Variants in WWP1 observed in about 807,000 individuals in gnomAD.
The protein encoded by WWP1 is NEDD4-like E3 ubiquitin-protein ligase WWP1.
A neutral mutation model predicts 130.6 loss-of-function variants in WWP1; 49 were observed. The observed-to-expected ratio is 0.38, with a 90% confidence interval of 0.30 to 0.48. The LOEUF is 0.48. Ranked by LOEUF, WWP1 falls within the 20% of genes least tolerant of loss-of-function variation. WWP1 has a pLI of 0.99. For missense variants in WWP1, 809 were observed against 1,100.6 expected (o/e 0.74, Z 3.75); for synonymous variants, 332 against 367.8 (o/e 0.90, Z 1.11).
intron 9 of WWP1, among the ~76,000 whole-genome samples, chr8:86,423,243 AATTG>A (rs1317744449): frequency 6.6e-6 from 1 of 151,678 alleles, no homozygotes; most frequent in Non-Finnish European, 1.5e-5. Context: ...TTATTTTTTT[AATTG>A]ATCATTCTTG....
At chr8:86,351,763 T>C (rs1470393647) in intron 1 of WWP1, among the ~76,000 whole-genome samples, 1 of 152,154 alleles carries the variant, frequency 6.6e-6, no homozygotes, top group East Asian at 1.9e-4. Context: ...ACACCATCAT[T>C]AGATGAAATA....
At chr8:86,452,075 A>G (rs921813907) in intron 20 of WWP1, among the ~76,000 whole-genome samples, 41 of 152,142 alleles carry the variant, frequency 2.7e-4, no homozygotes, top group Non-Finnish European at 5.1e-4. Context: ...TGGTCATTAC[A>G]TACTGAGACA....
rs184284353 is a variant in WWP1, at chr8:86,408,616, T to A, written c.725-2922T>A. On this transcript the variant is annotated intron_variant, in intron 8 of 24. Coordinates refer to ENST00000517970, the MANE Select transcript of WWP1 (RefSeq NM_007013.4). ...ATTCATTCTTTTTAGTAATGTTTTT[T>A]AAAGTGTTTTCTTCACGCTGGTTGT... is the stretch of plus-strand genomic sequence containing the variant. Among the ~76,000 whole-genome samples, 201 of 152,358 alleles carry A rather than the reference T, an allele frequency of 1.3e-3. 2 individuals are homozygous for A. Among genetic ancestry groups the A allele is most frequent in the African/African-American group, 4.6e-3 (193 of 41,582 alleles).
intron 21 of WWP1, among the ~76,000 whole-genome samples, chr8:86,453,956 G>A (rs1395851034): frequency 6.6e-6 from 1 of 152,034 alleles, no homozygotes; most frequent in Non-Finnish European, 1.5e-5. Context: ...AAGAAACTTG[G>A]TTCTTTCATG....
chr8:86,423,649 G>A (rs1179068330), intron 9 of WWP1, among the ~76,000 whole-genome samples: 1 of 152,156 alleles, frequency 6.6e-6, no homozygotes, highest in African/African-American at 2.4e-5. Context: ...GCAACAATCT[G>A]ATTTCTCTAT....
chr8:86,427,668 A>G lies in WWP1; in HGVS notation c.1183A>G (p.Arg395Gly). The G allele has an allele frequency of 6.2e-7, 1 of 1,612,778 alleles. No homozygotes were observed. Among genetic ancestry groups the G allele is most frequent in the Non-Finnish European group, 8.5e-7 (1 of 1,179,284 alleles). ...PGWERRVDDR[R>G]RVYYVDHNTR... Reference sequence around the variant, plus strand: ...TTGGGAAAGAAGAGTTGATGATCGTAGAAGAGTTTATTATGTGGATCATAA... The same window carrying G: ...TTGGGAAAGAAGAGTTGATGATCGTGGAAGAGTTTATTATGTGGATCATAA... The change falls in exon 11 of 25, where the codon AGA becomes GGA. Residue 395 changes from arginine to glycine, a missense_variant. Arg to Gly is a moderately radical substitution (Grantham distance 125). This residue lies in a region of WWP1 where 450 missense variants were observed against 674.2 expected (regional missense o/e 0.67). Transcript: ENST00000517970.
chr8:86,443,153 A>G (rs1370666200), intron 18 of WWP1, among the ~76,000 whole-genome samples: 4 of 151,866 alleles, frequency 2.6e-5, no homozygotes, highest in African/African-American at 7.3e-5. Flanking sequence ...GCTAACTGCA[A>G]CCTCCACCTT....
At chr8:86,407,732 A>G (rs1808358010) in intron 8 of WWP1, among the ~76,000 whole-genome samples, 1 of 152,166 alleles carries the variant, frequency 6.6e-6, no homozygotes, top group Admixed American at 6.5e-5. Context: ...TTTTTAAATT[A>G]ATAGACTTTA....
At chr8:86,379,159 G>A (rs1563480097) in intron 3 of WWP1, among the ~76,000 whole-genome samples, 1 of 152,102 alleles carries the variant, frequency 6.6e-6, no homozygotes, top group African/African-American at 2.4e-5. Flanking sequence ...AAAGAATCTT[G>A]GGAAGTTTCT....
rs1055365592 is a variant in WWP1 at position 86,430,825 on chromosome 8, A to ATG, written c.1387+75_1387+76insGT. 12 of 491,608 alleles carry ATG rather than the reference A, an allele frequency of 2.4e-5. No homozygotes were observed. The African/African-American group carries it at 3.6e-4, about 15-fold the overall frequency. 30.5% of individuals were successfully genotyped at this position (491,608 alleles called of 1,614,324 possible). ...TATATATATATATATATATATATATATATATATGTTCCTTATTTTATATAT... is the reference window on the plus strand; with the variant it reads ...TATATATATATATATATATATATATATGTATATATGTTCCTTATTTTATATAT... On this transcript the variant is annotated intron_variant, in intron 12 of 24. Coordinates refer to ENST00000517970, the MANE Select transcript of WWP1 (RefSeq NM_007013.4).
intron 5 of WWP1, among the ~76,000 whole-genome samples, chr8:86,389,762 G>A (rs1245815242): frequency 1.4e-5 from 2 of 139,036 alleles, no homozygotes; most frequent in East Asian, 2.7e-4. Flanking sequence ...CCCACCTCCC[G>A]GATGGGGCGG....
At position 86,431,741 on chromosome 8, in the gene WWP1, T is replaced by G. The variant is rs1444981065; in HGVS notation, c.1599T>G (p.Ser533=). 2 of 1,613,682 alleles carry G rather than the reference T, an allele frequency of 1.2e-6. No individual in the cohort carries two copies. The highest frequency in any genetic ancestry group is 8.5e-7 in the Non-Finnish European group (1 of 1,179,828). ...AAGATCCTCGCAATGGGAAGTCATC[T>G]GTGTGAGTGAAAACCTGAAGTTCTC... The part of the protein sequence containing the change: ...TFKDPRNGKS[S]VTKGGPQIAY... Residue 533 remains serine (S), a splice_region_variant and synonymous_variant, in exon 14 of 25, where the codon TCT becomes TCG. Coordinates refer to ENST00000517970, the MANE Select transcript of WWP1 (RefSeq NM_007013.4).
intron 21 of WWP1, among the ~76,000 whole-genome samples, chr8:86,453,066 T>C (rs1236623308): frequency 6.6e-6 from 1 of 152,182 alleles, no homozygotes; most frequent in East Asian, 1.9e-4. Flanking sequence ...TGTGATAAAA[T>C]ATATCTTAAA....
chr8:86,369,942 A>G (rs7015772), intron 2 of WWP1, among the ~76,000 whole-genome samples: 21,977 of 152,046 alleles, frequency 0.14, 1,770 homozygotes, highest in Non-Finnish European at 0.19. Context: ...TGTACCAGAT[A>G]ATATGTAACA....
At chr8:86,418,244 T>C (rs553863587) in intron 9 of WWP1, among the ~76,000 whole-genome samples, 166 of 152,264 alleles carry the variant, frequency 1.1e-3, no homozygotes, top group African/African-American at 3.9e-3. Flanking sequence ...TATACTGATT[T>C]GCAAAACAGT....
rs149912284 is a variant in WWP1 at position 86,432,304 on chromosome 8, G to A, written c.1601+561G>A. 9.9e-3 allele frequency among the ~76,000 whole-genome samples: 1,504 copies of A among 152,126 alleles called. 28 individuals are homozygous for A. The highest frequency in any genetic ancestry group is 0.035 in the African/African-American group (1,434 of 41,500). Reference sequence around the variant, plus strand: ...AAGAAAATAGAAGCAATCCTAAAAGGTCTTTTGCAAAGTTGTACCACCATA... The same window carrying A: ...AAGAAAATAGAAGCAATCCTAAAAGATCTTTTGCAAAGTTGTACCACCATA... On this transcript the variant is annotated intron_variant, in intron 14 of 24. Coordinates refer to ENST00000517970, the MANE Select transcript of WWP1 (RefSeq NM_007013.4).
intron 9 of WWP1, among the ~76,000 whole-genome samples, chr8:86,412,748 C>CCA (rs1808659987): frequency 6.7e-6 from 1 of 149,604 alleles, no homozygotes; most frequent in Non-Finnish European, 1.5e-5. Context: ...TTTACTGGCT[C>CCA]GTCTGATGTT....
At chr8:86,406,246 T>C (rs1247458047) in intron 8 of WWP1, among the ~76,000 whole-genome samples, 11 of 152,230 alleles carry the variant, frequency 7.2e-5, no homozygotes, top group Non-Finnish European at 1.3e-4. Context: ...AGGACAGTTT[T>C]GGAGGTTAAA....
rs753489450 is a variant in WWP1 at position 86,374,122 on chromosome 8, T to C, written c.70+2T>C. 6.2e-7 allele frequency: 1 copy of C among 1,602,480 alleles called. No homozygotes were observed. Among genetic ancestry groups the C allele is most frequent in the Non-Finnish European group, 8.5e-7 (1 of 1,174,540 alleles). On this transcript the variant is annotated splice_donor_variant, in intron 3 of 24. Coordinates refer to ENST00000517970, the MANE Select transcript of WWP1 (RefSeq NM_007013.4). LOFTEE classifies it high-confidence loss of function. Reference sequence around the variant, plus strand: ...GAAGGTTGCAGTTACAGGTAACTGGTAAGTTATTTTTATATTTAATATGGT... The same window carrying C: ...GAAGGTTGCAGTTACAGGTAACTGGCAAGTTATTTTTATATTTAATATGGT...
Sources: gnomAD v4.1 joint callset for allele counts (sites outside exome capture counted in the v4.1 genomes callset) on GRCh38, gnomAD v4.1.1 for gene constraint, gnomAD v4.1.1 regional missense constraint, MANE v1.5 for transcripts, NCBI Gene and HGNC (gene_info 2026-07-23, HGNC 2026-07-21) for gene names.